CNTNAP2: variants seen among roughly 807,000 people sequenced by gnomAD.
CNTNAP2 encodes the protein contactin-associated protein-like 2.
A neutral mutation model predicts 155.2 loss-of-function variants in CNTNAP2; 98 were observed. That is an observed-to-expected ratio of 0.63 (90% confidence interval 0.54 to 0.75). The LOEUF is 0.75. Among genes scored for constraint, CNTNAP2 ranks in the 30% least tolerant of loss-of-function variants. CNTNAP2 has a pLI of 0.00. For synonymous variants in CNTNAP2, 651 were observed against 631.2 expected, an observed-to-expected ratio of 1.03 and a Z score of -0.47; for missense variants, 1,727 against 1,688.1, an observed-to-expected ratio of 1.02 and a Z score of -0.40.
intron 11 of CNTNAP2, among the ~76,000 whole-genome samples, chr7:147,527,458 C>T (rs139115105): frequency 1.1e-3 from 164 of 152,254 alleles, no homozygotes; most frequent in African/African-American, 3.6e-3. Flanking sequence ...GTATGCGCAG[C>T]GTTATACCTC....
intron 13 of CNTNAP2, among the ~76,000 whole-genome samples, chr7:147,885,278 A>G (rs1448503157): frequency 2.0e-5 from 3 of 151,972 alleles, no homozygotes; most frequent in Non-Finnish European, 4.4e-5. Context: ...CCTTTTCTGG[A>G]CTCTCCTGGT....
chr7:146,917,246 G>A (rs991076686), intron 3 of CNTNAP2, among the ~76,000 whole-genome samples: 1 of 152,004 alleles, frequency 6.6e-6, no homozygotes, highest in African/African-American at 2.4e-5. Context: ...CTATCTTGGA[G>A]AATGTTCCAT....
chr7:147,180,209 A>G (rs988075984), intron 8 of CNTNAP2, among the ~76,000 whole-genome samples: 3 of 152,156 alleles, frequency 2.0e-5, no homozygotes, highest in Non-Finnish European at 4.4e-5. Context: ...ATTTTTCCCC[A>G]ATATATAGTT....
chr7:146,799,970 AAAGTATG>A (rs1802844591), intron 2 of CNTNAP2, among the ~76,000 whole-genome samples: 2 of 119,808 alleles, frequency 1.7e-5, no homozygotes, highest in South Asian at 4.8e-4. Context: ...TTAAATAAAA[AAAGTATG>A]AAAATATGAA....
chr7:146,189,148 C>G (rs1413961046), intron 1 of CNTNAP2, among the ~76,000 whole-genome samples: 1 of 152,152 alleles, frequency 6.6e-6, no homozygotes, highest in East Asian at 1.9e-4. Context: ...TAGACATTTT[C>G]TAATTCTCTC....
intron 20 of CNTNAP2, among the ~76,000 whole-genome samples, chr7:148,236,377 G>A (rs962033172): frequency 2.4e-4 from 37 of 152,304 alleles, no homozygotes; most frequent in African/African-American, 6.0e-4. Flanking sequence ...TGGTCAAAGC[G>A]GTTTGCAGTG....
intron 22 of CNTNAP2, among the ~76,000 whole-genome samples, chr7:148,397,769 G>A (rs969602822): frequency 2.6e-5 from 4 of 152,226 alleles, no homozygotes; most frequent in Non-Finnish European, 4.4e-5. Context: ...CAGGCACCAG[G>A]GAGGAATGGT....
chr7:148,419,086 T>C lies in CNTNAP2; in HGVS notation c.*3470T>C, dbSNP rs1800055989. On this transcript the variant is annotated 3_prime_UTR_variant, in exon 24 of 24. Transcript: ENST00000361727. ...TTCTTTCCTTCTATGATGGAATCTG[T>C]TCTTTTCTATCCTACTTTTTTCTCT... 6.6e-6 allele frequency: 1 copy of C among 152,232 alleles called. No individual in the cohort carries two copies. Among genetic ancestry groups the C allele is most frequent in the Non-Finnish European group, 1.5e-5 (1 of 68,070 alleles). 9.4% of individuals were successfully genotyped at this position (152,232 alleles called of 1,614,324 possible).
intron 1 of CNTNAP2, among the ~76,000 whole-genome samples, chr7:146,338,470 A>G (rs1021230323): frequency 6.6e-6 from 1 of 152,160 alleles, no homozygotes; most frequent in African/African-American, 2.4e-5. Context: ...AAGACCATCA[A>G]TAGAGGATTA....
At chr7:147,961,349 C>T (rs796340251) in intron 14 of CNTNAP2, among the ~76,000 whole-genome samples, 15 of 152,236 alleles carry the variant, frequency 9.9e-5, no homozygotes, top group African/African-American at 3.4e-4. Flanking sequence ...AAGTAGGAAT[C>T]TCTTGTATGC....
At chr7:147,228,097 T>G (rs560487522) in intron 8 of CNTNAP2, among the ~76,000 whole-genome samples, 1 of 152,160 alleles carries the variant, frequency 6.6e-6, no homozygotes, top group African/African-American at 2.4e-5. Context: ...TGCTGCTGAA[T>G]AGTCATTAAG....
At chr7:148,195,713 G>T (rs1230514453) in intron 18 of CNTNAP2, among the ~76,000 whole-genome samples, 4 of 152,110 alleles carry the variant, frequency 2.6e-5, no homozygotes, top group Non-Finnish European at 5.9e-5. Context: ...TGTCATATTT[G>T]TCAAATAATT....
At chr7:147,977,304 G>A (rs984091296) in intron 14 of CNTNAP2, among the ~76,000 whole-genome samples, 8 of 152,188 alleles carry the variant, frequency 5.3e-5, no homozygotes, top group African/African-American at 1.9e-4. Context: ...ACTCTTCATT[G>A]TAGATGGAAA....
At chr7:147,509,205 TCCCAAATCTGATTTAGGG>T (rs1798971567) in intron 11 of CNTNAP2, among the ~76,000 whole-genome samples, 1 of 152,168 alleles carries the variant, frequency 6.6e-6, no homozygotes, top group Non-Finnish European at 1.5e-5. Context: ...CATTGTATCA[TCCCAAATCTGATTTAGGG>T]CCCCCACTCT....
At chr7:147,697,681 G>A (rs1177869971) in intron 13 of CNTNAP2, among the ~76,000 whole-genome samples, 1 of 152,168 alleles carries the variant, frequency 6.6e-6, no homozygotes, top group African/African-American at 2.4e-5. Context: ...GGCACAGGGT[G>A]ACTGGAGGAG....
intron 10 of CNTNAP2, among the ~76,000 whole-genome samples, chr7:147,470,440 C>T (rs1314185643): frequency 2.9e-5 from 4 of 138,446 alleles, no homozygotes; most frequent in African/African-American, 5.5e-5. Context: ...GCTACAATAG[C>T]GTCTTGGATT....
rs531042375 is a variant in CNTNAP2 at position 147,769,359 on chromosome 7, C to T, written c.2098+130053C>T. On this transcript the variant is annotated intron_variant, in intron 13 of 23. Coordinates refer to ENST00000361727, the MANE Select transcript of CNTNAP2 (RefSeq NM_014141.6). ...GTCAGAATTATCTGGCACTTAAACA[C>T]CAGCAAGGTGTCTGGAATAACTTTC... is the stretch of plus-strand genomic sequence containing the variant. Among the ~76,000 whole-genome samples the T allele has an allele frequency of 1.4e-3, 211 of 152,188 alleles. 1 individual carries two copies. The highest frequency in any genetic ancestry group is 4.8e-3 in the African/African-American group (199 of 41,542).
chr7:147,802,940 T>G lies in CNTNAP2; in HGVS notation c.2099-100625T>G, dbSNP rs528251078. Among the ~76,000 whole-genome samples, 8 of 152,012 alleles carry G rather than the reference T, an allele frequency of 5.3e-5. No homozygotes were observed. The East Asian group carries it at 1.4e-3, about 26-fold the overall frequency. On this transcript the variant is annotated intron_variant, in intron 13 of 23. Transcript: ENST00000361727. ...AAAATAACTTCGGAAACAGCAATAA[T>G]AATAGTAATAATTATAATAAATAGT...
chr7:147,362,192 G>T (rs1390676659), intron 9 of CNTNAP2, among the ~76,000 whole-genome samples: 3 of 152,150 alleles, frequency 2.0e-5, no homozygotes, highest in African/African-American at 7.2e-5. Context: ...GAGTGCAGTG[G>T]TGCGATCACA....
Sources: allele counts gnomAD v4.1 joint callset (sites outside exome capture counted in the v4.1 genomes callset), GRCh38; gene constraint gnomAD v4.1.1; transcripts MANE v1.5; gene names NCBI Gene and HGNC (gene_info 2026-07-23, HGNC 2026-07-21).